Variants in FBH1 observed in about 807,000 individuals in gnomAD.
FBH1 encodes the protein F-box DNA helicase 1.
FBH1 carries 43 observed loss-of-function variants against 115.5 expected under a neutral mutation model. The ratio of observed to expected loss-of-function variants is 0.37; its 90% CI spans 0.29 to 0.48. FBH1 has a LOEUF of 0.48. Ranked by LOEUF, FBH1 falls within the 20% of genes least tolerant of loss-of-function variation. The pLI is 0.99. For synonymous variants in FBH1, 524 were observed against 507.8 expected, an observed-to-expected ratio of 1.03 and a Z score of -0.43; for missense variants, 1,001 against 1,337.3, an observed-to-expected ratio of 0.75 and a Z score of 3.92.
Position 5,913,320 on chromosome 10 carries a change from A to G in FBH1, c.1212-427A>G, listed in dbSNP as rs978740532. Among the ~76,000 whole-genome samples the G allele has an allele frequency of 1.3e-5, 2 of 150,450 alleles. No homozygotes were observed. Among genetic ancestry groups the G allele is most frequent in the African/African-American group, 4.9e-5 (2 of 40,850 alleles). On this transcript the variant is annotated intron_variant, in intron 6 of 20. Transcript: ENST00000362091. The surrounding 1 kb of genome is among the most constrained non-coding windows in gnomAD (Gnocchi z 4.4). ...CAATGTCATGTCATAAGAGGTAGAC[A>G]GTGGAGCGACCGAGGCTCAGAAAGA...
In FBH1 at chr10:5,913,605, C is replaced by A. The variant is rs770956581; in HGVS notation, c.1212-142C>A. The A allele has an allele frequency of 3.5e-6, 2 of 571,062 alleles. No individual in the cohort carries two copies. The highest frequency in any genetic ancestry group is 3.3e-5 in the East Asian group (1 of 30,182). 35.4% of individuals were successfully genotyped at this position (571,062 alleles called of 1,614,324 possible). Reference sequence around the variant, plus strand: ...TGCCAGCCATAGATATATTTAAATCCTTTTCTTTCTTTTTTCCATTAAATG... The same window carrying A: ...TGCCAGCCATAGATATATTTAAATCATTTTCTTTCTTTTTTCCATTAAATG... On this transcript the variant is annotated intron_variant, in intron 6 of 20. Coordinates refer to ENST00000362091, the MANE Select transcript of FBH1 (RefSeq NM_178150.3). This position sits in a 1 kb window ranked among gnomAD's most constrained non-coding sequence, Gnocchi z 4.4.
intron 2 of FBH1, chr10:5,905,248 G>T (rs1039666774): frequency 6.6e-6 from 1 of 152,216 alleles, no homozygotes; most frequent in South Asian, 2.1e-4. Context: ...TGGGCGCAGG[G>T]GCTCACGCCT....
Position 5,918,304 on chromosome 10 carries a change from G to C in FBH1, c.1964-38G>C, listed in dbSNP as rs1301080230. The C allele has an allele frequency of 1.2e-6, 2 of 1,600,718 alleles. No individual in the cohort carries two copies. The highest frequency in any genetic ancestry group is 2.2e-5 in the South Asian group (2 of 89,504). On this transcript the variant is annotated intron_variant, in intron 12 of 20. Coordinates refer to ENST00000362091, the MANE Select transcript of FBH1 (RefSeq NM_178150.3). This position sits in a 1 kb window ranked among gnomAD's most constrained non-coding sequence, Gnocchi z 4.0. Reference sequence around the variant, plus strand: ...TTTCTTTTTGCTGCCTGGGGTGGAGGCCTCAAGGTTTCTCACTTTTCCTCT... The same window carrying C: ...TTTCTTTTTGCTGCCTGGGGTGGAGCCCTCAAGGTTTCTCACTTTTCCTCT...
chr10:5,921,224 G>A lies in FBH1; in HGVS notation c.2101-34G>A, dbSNP rs767792821. The stretch of plus-strand genomic sequence containing the variant: ...GAAATGCACGGACACACCACAGGGC[G>A]GGCTGCTGACTCCCTCTGTCTTGTT... On this transcript the variant is annotated intron_variant, in intron 13 of 20. Transcript: ENST00000362091. The surrounding 1 kb of genome is among the most constrained non-coding windows in gnomAD (Gnocchi z 6.4). The A allele has an allele frequency of 6.3e-5, 100 of 1,598,062 alleles. No individual in the cohort carries two copies. Among genetic ancestry groups the A allele is most frequent in the Non-Finnish European group, 8.0e-5 (93 of 1,165,914 alleles).
At chr10:5,902,624 G>A (rs760805072) in intron 1 of FBH1, among the ~76,000 whole-genome samples, 8 of 151,868 alleles carry the variant, frequency 5.3e-5, no homozygotes, top group South Asian at 2.1e-4. Flanking sequence ...GCACCACCAC[G>A]CCCAGCTAAT....
rs1833416886 is a variant in FBH1 at position 5,937,184 on chromosome 10, C to T, written c.3036C>T (p.Phe1012=). 2 of 1,613,982 alleles carry T rather than the reference C, an allele frequency of 1.2e-6. No individual in the cohort carries two copies. The highest frequency in any genetic ancestry group is 1.7e-5 in the Admixed American group (1 of 60,000). Residue 1012 remains phenylalanine, a synonymous_variant, in exon 21 of 21, where the codon TTC becomes TTT. Coordinates refer to ENST00000362091, the MANE Select transcript of FBH1 (RefSeq NM_178150.3). ...CAEQRIGPLA[F]LTASPEQVRA... Reference sequence around the variant, plus strand: ...AGCAGCGCATCGGGCCCCTGGCGTTCCTGACAGCCTCCCCGGAGCAGGTGC... The same window carrying T: ...AGCAGCGCATCGGGCCCCTGGCGTTTCTGACAGCCTCCCCGGAGCAGGTGC...
intron 10 of FBH1, 76 bp downstream of exon 10, chr10:5,916,532 G>T: frequency 7.4e-7 from 1 of 1,355,212 alleles, no homozygotes; most frequent in Admixed American, 1.8e-5. Flanking sequence ...TCTGAGGATG[G>T]GGAAACAGGG....
chr10:5,901,562 CTTTTTCTTTTTTTTT>C (rs917752125), intron 1 of FBH1, among the ~76,000 whole-genome samples: 6 of 147,308 alleles, frequency 4.1e-5, no homozygotes, highest in African/African-American at 1.5e-4. Context: ...TCTTTTTTTT[CTTTTTCTTTTTTTTT>C]TTTTTTTGAG....
intron 1 of FBH1, among the ~76,000 whole-genome samples, chr10:5,901,173 T>C (rs765208011): frequency 2.6e-5 from 4 of 152,118 alleles, no homozygotes; most frequent in Non-Finnish European, 5.9e-5. Flanking sequence ...TGGTGGAGTA[T>C]TCTTTATTTT....
intron 2 of FBH1, among the ~76,000 whole-genome samples, chr10:5,903,837 T>C (rs897595098): frequency 1.3e-5 from 2 of 152,276 alleles, no homozygotes; most frequent in Admixed American, 1.3e-4. Flanking sequence ...TGTGTCATTG[T>C]TTTTCCTCCA....
chr10:5,914,089 C>T lies in FBH1; in HGVS notation c.1305-89C>T. ...TTTTTTTGGTCAGCTTTTGTTTATC[C>T]AGTTTGTATGTTTGGTTTTTGGACT... On this transcript the variant is annotated intron_variant, in intron 7 of 20. Coordinates refer to ENST00000362091, the MANE Select transcript of FBH1 (RefSeq NM_178150.3). The surrounding 1 kb of genome is among the most constrained non-coding windows in gnomAD (Gnocchi z 5.2). The T allele has an allele frequency of 1.6e-6, 2 of 1,268,300 alleles. No homozygotes were observed. The highest frequency in any genetic ancestry group is 2.3e-6 in the Non-Finnish European group (2 of 888,320). The allele number at this position is 1,268,300 out of a possible 1,614,324, so 78.6% of individuals were successfully genotyped here. A position where few individuals can be genotyped will look rare whatever the true frequency, so the allele number is the denominator to read the frequency against.
At position 5,918,052 on chromosome 10, in the gene FBH1, A is replaced by G. The variant is rs768091990; in HGVS notation, c.1964-290A>G. Among the ~76,000 whole-genome samples, 3 of 150,194 alleles carry G rather than the reference A, an allele frequency of 2.0e-5. No homozygotes were observed. Among genetic ancestry groups the G allele is most frequent in the Non-Finnish European group, 3.0e-5 (2 of 67,216 alleles). On this transcript the variant is annotated intron_variant, in intron 12 of 20. Coordinates refer to ENST00000362091, the MANE Select transcript of FBH1 (RefSeq NM_178150.3). This position sits in a 1 kb window ranked among gnomAD's most constrained non-coding sequence, Gnocchi z 4.0. ...ACTTTGTAGGTCAATTTTGAGTGCTATAATATTAGAGAAGACACTGCCTCA... is the reference window on the plus strand; with the variant it reads ...ACTTTGTAGGTCAATTTTGAGTGCTGTAATATTAGAGAAGACACTGCCTCA...
chr10:5,914,054 G>A lies in FBH1; in HGVS notation c.1305-124G>A. On this transcript the variant is annotated intron_variant, in intron 7 of 20. Transcript: ENST00000362091. The surrounding 1 kb of genome is among the most constrained non-coding windows in gnomAD (Gnocchi z 5.2). The stretch of plus-strand genomic sequence containing the variant: ...CTTTAGAACATGTTTATTCTCGTAA[G>A]GGGAGGCCTTTTTTTTGGTCAGCTT... The A allele has an allele frequency of 1.1e-6, 1 of 940,888 alleles. No homozygotes were observed. Among genetic ancestry groups the A allele is most frequent in the Non-Finnish European group, 1.6e-6 (1 of 607,250 alleles). The allele number at this position is 940,888 out of a possible 1,614,324, so 58.3% of individuals were successfully genotyped here.
At chr10:5,907,536 C>G (rs1301818322) in intron 3 of FBH1, among the ~76,000 whole-genome samples, 1 of 141,916 alleles carries the variant, frequency 7.0e-6, no homozygotes, top group African/African-American at 2.6e-5. Context: ...TGCAGTGGCT[C>G]GACTTTGGCT....
Position 5,890,276 on chromosome 10 carries a change from A to T in FBH1, c.-70A>T, listed in dbSNP as rs955835348. The T allele has an allele frequency of 2.7e-6, 1 of 368,916 alleles. No homozygotes were observed. Among genetic ancestry groups the T allele is most frequent in the Non-Finnish European group, 5.1e-6 (1 of 197,826 alleles). The allele number at this position is 368,916 out of a possible 1,614,324, so 22.9% of individuals were successfully genotyped here. ...CAGAGGAGGAGCTCGCTGCCGGGGGACGCTGGGCTGAGCGGCCGGCGGCGC... is the reference window on the plus strand; with the variant it reads ...CAGAGGAGGAGCTCGCTGCCGGGGGTCGCTGGGCTGAGCGGCCGGCGGCGC... On this transcript the variant is annotated 5_prime_UTR_variant, in exon 1 of 21. Transcript: ENST00000362091.
chr10:5,926,641 C>T (rs1307457437), intron 18 of FBH1, among the ~76,000 whole-genome samples: 2 of 152,136 alleles, frequency 1.3e-5, no homozygotes, highest in Non-Finnish European at 2.9e-5. Context: ...CAAACATAGA[C>T]CATGGTTTGG....
intron 2 of FBH1, chr10:5,905,288 G>A (rs1444300896): frequency 6.6e-6 from 1 of 152,276 alleles, no homozygotes; most frequent in Non-Finnish European, 1.5e-5. Flanking sequence ...GGAGGCCGAG[G>A]TGAGTGGATT....
At chr10:5,890,848 G>C (rs1203825353) in intron 1 of FBH1, among the ~76,000 whole-genome samples, 1 of 152,202 alleles carries the variant, frequency 6.6e-6, no homozygotes, top group East Asian at 1.9e-4. Flanking sequence ...GCGAGAGCTG[G>C]GCAGGCTGTG....
At chr10:5,904,872 T>G (rs2131906279) in intron 2 of FBH1, among the ~76,000 whole-genome samples, 1 of 152,252 alleles carries the variant, frequency 6.6e-6, no homozygotes, top group South Asian at 2.1e-4. Flanking sequence ...GAAAAATATC[T>G]GTTTCAGTTT....
Sources: gnomAD v4.1 joint callset for allele counts (sites outside exome capture counted in the v4.1 genomes callset) on GRCh38, gnomAD v4.1.1 for gene constraint, Gnocchi (gnomAD v3.1) non-coding constraint, MANE v1.5 for transcripts, NCBI Gene and HGNC (gene_info 2026-07-23, HGNC 2026-07-21) for gene names.